Variants in NOVA1 observed in about 807,000 individuals in gnomAD.
The protein encoded by NOVA1 is NOVA alternative splicing regulator 1.
In NOVA1, 7 loss-of-function variants were observed where a neutral mutation model predicts 38.0. The observed-to-expected ratio is 0.18, with a 90% CI of 0.10 to 0.35. The LOEUF (loss-of-function observed/expected upper bound fraction) is 0.35, where lower values mean the gene tolerates loss of function less well. Ranked by LOEUF, NOVA1 falls within the 10% of genes least tolerant of loss-of-function variation. The pLI, the probability that NOVA1 is intolerant of heterozygous loss-of-function variation, is 1.00. For synonymous variants in NOVA1, 270 were observed against 232.5 expected (o/e 1.16, Z -1.47); for missense variants, 460 against 616.0 (o/e 0.75, Z 2.68).
chr14:26,516,513 G>C (rs957282170), intron 2 of NOVA1, among the ~76,000 whole-genome samples: 6 of 152,046 alleles, frequency 3.9e-5, no homozygotes, highest in Non-Finnish European at 5.9e-5. Context: ...ATTTAGATCT[G>C]CAATCCATCT....
intron 2 of NOVA1, among the ~76,000 whole-genome samples, chr14:26,522,248 C>G (rs1888952783): frequency 6.6e-6 from 1 of 152,082 alleles, no homozygotes; most frequent in Admixed American, 6.6e-5. Context: ...AGAAGCTCAA[C>G]TGCACAGATA....
chr14:26,579,851 C>A (rs1024462440), intron 2 of NOVA1, among the ~76,000 whole-genome samples: 1 of 152,068 alleles, frequency 6.6e-6, no homozygotes, highest in Non-Finnish European at 1.5e-5. Flanking sequence ...AAGACCTTGA[C>A]AGAGCCAATA....
chr14:26,521,304 T>C (rs1227033688), intron 2 of NOVA1, among the ~76,000 whole-genome samples: 1 of 152,048 alleles, frequency 6.6e-6, no homozygotes, highest in East Asian at 1.9e-4. Flanking sequence ...TAACAATACA[T>C]GAAAATTATG....
intron 2 of NOVA1, among the ~76,000 whole-genome samples, chr14:26,514,037 A>G (rs1888284374): frequency 6.6e-6 from 1 of 151,768 alleles, no homozygotes. Flanking sequence ...ATGTTAAAAG[A>G]TATCTCTAAG....
chr14:26,484,428 GAAAAAAAAAAAAAAAA>G (rs869087238), intron 2 of NOVA1, among the ~76,000 whole-genome samples: 11 of 56,460 alleles, frequency 1.9e-4, no homozygotes, highest in African/African-American at 6.7e-4. Context: ...ACTCCGTCTC[GAAAAAAAAAAAAAAAA>G]AAAAAAAAAA....
At chr14:26,567,262 A>G (rs1892189482) in intron 2 of NOVA1, among the ~76,000 whole-genome samples, 1 of 148,420 alleles carries the variant, frequency 6.7e-6, no homozygotes, top group Non-Finnish European at 1.5e-5. Context: ...TATATGTATT[A>G]TCCTATAACA....
chr14:26,554,138 A>G (rs1024427994), intron 2 of NOVA1, among the ~76,000 whole-genome samples: 2 of 148,882 alleles, frequency 1.3e-5, no homozygotes, highest in East Asian at 3.9e-4. Context: ...GAAAAAAAAA[A>G]AAAGAAAGAA....
chr14:26,481,596 T>C (rs1885454152), intron 2 of NOVA1, among the ~76,000 whole-genome samples: 1 of 152,150 alleles, frequency 6.6e-6, no homozygotes, highest in Non-Finnish European at 1.5e-5. Context: ...CTAAGTTTCC[T>C]GGATTTTACA....
At chr14:26,557,014 G>C (rs1891527999) in intron 2 of NOVA1, among the ~76,000 whole-genome samples, 1 of 152,084 alleles carries the variant, frequency 6.6e-6, no homozygotes, top group Non-Finnish European at 1.5e-5. Context: ...TCTCTCCTTG[G>C]CTTGTAGATG....
intron 2 of NOVA1, among the ~76,000 whole-genome samples, chr14:26,502,779 A>C (rs1887336216): frequency 6.6e-6 from 1 of 152,038 alleles, no homozygotes; most frequent in Non-Finnish European, 1.5e-5. Context: ...AACTCAAAAA[A>C]TAAAAATGTG....
chr14:26,595,469 T>C lies in NOVA1; in HGVS notation c.221A>G (p.Gln74Arg). 1 of 1,613,942 alleles carries C rather than the reference T, an allele frequency of 6.2e-7. No homozygotes were observed. The highest frequency in any genetic ancestry group is 8.5e-7 in the Non-Finnish European group (1 of 1,179,878). ...IIGKGGQTIV[Q>R]LQKETGATIK... ...GGTGGCTCCAGTTTCTTTTTGCAAC[T>C]GAACAATTGTCTGTCCTCCCTTCCC... Residue 74 changes from glutamine to arginine, a missense_variant, in exon 2 of 5, where the codon CAG (glutamine) becomes CGG (arginine). Gln to Arg is a conservative substitution (Grantham distance 43). Transcript: ENST00000539517.
chr14:26,515,854 C>G (rs1201618625), intron 2 of NOVA1, among the ~76,000 whole-genome samples: 1 of 151,896 alleles, frequency 6.6e-6, no homozygotes, highest in Non-Finnish European at 1.5e-5. Flanking sequence ...ATGTTATTTG[C>G]TATTTTAACA....
intron 2 of NOVA1, among the ~76,000 whole-genome samples, chr14:26,584,587 T>A (rs1229690691): frequency 6.6e-6 from 1 of 151,330 alleles, no homozygotes; most frequent in East Asian, 1.9e-4. Flanking sequence ...CTACCACCAC[T>A]GACCCCCACA....
At chr14:26,509,735 C>A (rs1290439430) in intron 2 of NOVA1, among the ~76,000 whole-genome samples, 2 of 152,146 alleles carry the variant, frequency 1.3e-5, no homozygotes, top group Non-Finnish European at 2.9e-5. Flanking sequence ...GGCTGGAGTG[C>A]AATGGCATGA....
chr14:26,509,970 G>A (rs375832460), intron 2 of NOVA1, among the ~76,000 whole-genome samples: 4 of 152,118 alleles, frequency 2.6e-5, no homozygotes, highest in Non-Finnish European at 4.4e-5. Flanking sequence ...ATGAGCCACC[G>A]CGCCTGGCCA....
chr14:26,445,458 C>T lies in NOVA1; in HGVS notation c.*2501G>A, dbSNP rs897499768. ...CAGTTTTAACTAACATATAACCATG[C>T]TAACTAGGAAAAGTTTAAAATTCCC... On this transcript the variant is annotated 3_prime_UTR_variant, in exon 5 of 5. Transcript: ENST00000539517. The T allele has an allele frequency of 5.3e-5, 8 of 152,076 alleles. No homozygotes were observed. The highest frequency in any genetic ancestry group is 1.4e-4 in the African/African-American group (6 of 41,394). 9.4% of individuals were successfully genotyped at this position (152,076 alleles called of 1,614,324 possible).
At chr14:26,591,767 C>T (rs1331620163) in intron 2 of NOVA1, among the ~76,000 whole-genome samples, 1 of 151,422 alleles carries the variant, frequency 6.6e-6, no homozygotes, top group Non-Finnish European at 1.5e-5. Flanking sequence ...AAAAATTTCA[C>T]TTACATTCTG....
Position 26,458,592 on chromosome 14 carries a change from C to T in NOVA1, c.520-9629G>A, listed in dbSNP as rs79173807. On this transcript the variant is annotated intron_variant, in intron 4 of 4. Transcript: ENST00000539517. ...CAGAAAGCCAAATACTGCTTGTTCTCCCTTATGAGAGGGAACTAAACACTG... is the reference window on the plus strand; with the variant it reads ...CAGAAAGCCAAATACTGCTTGTTCTTCCTTATGAGAGGGAACTAAACACTG... 8.3e-3 allele frequency among the ~76,000 whole-genome samples: 1,264 copies of T among 152,098 alleles called. 17 individuals carry two copies. Among genetic ancestry groups the T allele is most frequent in the African/African-American group, 0.028 (1,154 of 41,520 alleles).
At chr14:26,586,107 C>T (rs1318733039) in intron 2 of NOVA1, among the ~76,000 whole-genome samples, 2 of 151,316 alleles carry the variant, frequency 1.3e-5, no homozygotes, top group Non-Finnish European at 3.0e-5. Flanking sequence ...TAAATTCCCC[C>T]ACATCAGTGG....
Sources: gnomAD v4.1 joint callset for allele counts (sites outside exome capture counted in the v4.1 genomes callset) on GRCh38, gnomAD v4.1.1 for gene constraint, MANE v1.5 for transcripts, NCBI Gene and HGNC (gene_info 2026-07-23, HGNC 2026-07-21) for gene names.